Variants in FUT8 observed in about 807,000 individuals in gnomAD.
FUT8 encodes the protein fucosyltransferase 8, also known as alpha-(1,6)-fucosyltransferase.
In FUT8, 29 loss-of-function variants were observed where a neutral mutation model predicts 71.3. That is an observed-to-expected ratio of 0.41 (90% CI 0.30 to 0.55). FUT8 has a LOEUF of 0.55. Ranked by LOEUF, FUT8 falls within the 20% of genes least tolerant of loss-of-function variation. FUT8 has a pLI of 0.34. For missense variants in FUT8, 544 were observed against 702.1 expected, an observed-to-expected ratio of 0.77 and a Z score of 2.55; for synonymous variants, 254 against 239.3, an observed-to-expected ratio of 1.06 and a Z score of -0.57.
intron 2 of FUT8, among the ~76,000 whole-genome samples, chr14:65,535,912 C>CT (rs1377202113): frequency 6.6e-6 from 1 of 152,086 alleles, no homozygotes; most frequent in Non-Finnish European, 1.5e-5. Flanking sequence ...GTGTGGGAGT[C>CT]TAAGTCTCTT....
At chr14:65,508,100 C>T (rs1882054033) in intron 2 of FUT8, among the ~76,000 whole-genome samples, 1 of 40,276 alleles carries the variant, frequency 2.5e-5, no homozygotes, top group Non-Finnish European at 5.5e-5. Context: ...TGGAGTCTTG[C>T]TCTGTTGGCC....
chr14:65,549,489 A>G (rs1885164912), intron 2 of FUT8, among the ~76,000 whole-genome samples: 1 of 152,068 alleles, frequency 6.6e-6, no homozygotes. Context: ...TAGATTGGAA[A>G]TTCTATATAT....
chr14:65,667,160 C>T (rs964355205), intron 6 of FUT8, among the ~76,000 whole-genome samples: 2 of 152,000 alleles, frequency 1.3e-5, no homozygotes, highest in African/African-American at 4.8e-5. Flanking sequence ...TTCTAAAAGT[C>T]CTAGCCAGAG....
chr14:65,720,141 T>C (rs1391601564), intron 7 of FUT8, among the ~76,000 whole-genome samples: 1 of 152,050 alleles, frequency 6.6e-6, no homozygotes, highest in Admixed American at 6.5e-5. Flanking sequence ...TATCTGGTCC[T>C]CTATTCTCCT....
chr14:65,733,466 G>T, intron 10 of FUT8, 85 bp downstream of exon 10: 1 of 981,146 alleles, frequency 1.0e-6, no homozygotes, highest in South Asian at 2.3e-5. Flanking sequence ...TCTATGTGTT[G>T]TTAATGTTCA....
intron 6 of FUT8, among the ~76,000 whole-genome samples, chr14:65,667,928 A>G (rs941563257): frequency 1.1e-4 from 17 of 152,244 alleles, no homozygotes; most frequent in African/African-American, 3.9e-4. Context: ...ATATACCTAC[A>G]ACTTTCTAAT....
At chr14:65,527,738 C>G (rs1311864087) in intron 2 of FUT8, among the ~76,000 whole-genome samples, 1 of 152,150 alleles carries the variant, frequency 6.6e-6, no homozygotes, top group African/African-American at 2.4e-5. Flanking sequence ...GAGTGGAAGT[C>G]ATTTCTGTTT....
chr14:65,518,007 A>G (rs762614454), intron 2 of FUT8, among the ~76,000 whole-genome samples: 8 of 152,184 alleles, frequency 5.3e-5, no homozygotes, highest in Non-Finnish European at 1.0e-4. Context: ...ACAGTTTGGT[A>G]TGTTTCAGTG....
chr14:65,580,597 T>C (rs1399202785), intron 3 of FUT8, among the ~76,000 whole-genome samples: 2 of 152,130 alleles, frequency 1.3e-5, no homozygotes, highest in African/African-American at 2.4e-5. Flanking sequence ...TCATTATTAT[T>C]TGATTGTTTT....
rs1170385902 is a variant in FUT8, at chr14:65,550,791, A to G, written c.-227-10546A>G. The stretch of plus-strand genomic sequence containing the variant: ...TAATTTTCTCCTGGTTATGGGTTAC[A>G]TTTTCCTTCTTGTTGGCATCATAGT... On this transcript the variant is annotated intron_variant, in intron 2 of 10. Coordinates refer to ENST00000673929, the MANE Select transcript of FUT8 (RefSeq NM_001371533.1). The surrounding 1 kb of genome is among the most constrained non-coding windows in gnomAD (Gnocchi z 4.5). Among the ~76,000 whole-genome samples, 1 of 152,088 alleles carries G rather than the reference A, an allele frequency of 6.6e-6. No homozygotes were observed. Among genetic ancestry groups the G allele is most frequent in the African/African-American group, 2.4e-5 (1 of 41,398 alleles).
chr14:65,494,798 T>C (rs1184956759), intron 2 of FUT8, among the ~76,000 whole-genome samples: 2 of 151,914 alleles, frequency 1.3e-5, no homozygotes, highest in African/African-American at 2.4e-5. Context: ...AAAGTAAGGT[T>C]CTGAAGGGTT....
At chr14:65,446,678 CT>C (rs11378151) in intron 1 of FUT8, among the ~76,000 whole-genome samples, 162 of 134,240 alleles carry the variant, frequency 1.2e-3, no homozygotes, top group South Asian at 1.9e-3. Context: ...TGTTTTAGGG[CT>C]TTTTTTTTTT....
chr14:65,645,724 A>G (rs1295129763), intron 6 of FUT8, among the ~76,000 whole-genome samples: 1 of 152,208 alleles, frequency 6.6e-6, no homozygotes. Context: ...ACTATTAGTG[A>G]CAGAAGAGAA....
chr14:65,520,655 T>G (rs1478744886), intron 2 of FUT8, among the ~76,000 whole-genome samples: 1 of 152,046 alleles, frequency 6.6e-6, no homozygotes, highest in Non-Finnish European at 1.5e-5. Context: ...TTTAGTGTAG[T>G]TACTGGAGTT....
At chr14:65,382,828 T>C in the FUT8 span, among the ~76,000 whole-genome samples, 1 of 152,226 alleles carries the variant, frequency 6.6e-6, no homozygotes, top group Admixed American at 6.5e-5. Flanking sequence ...AGCTCTTTGC[T>C]GAGCATCTCA....
intron 3 of FUT8, among the ~76,000 whole-genome samples, chr14:65,611,575 A>C (rs1242675897): frequency 6.6e-6 from 1 of 151,790 alleles, no homozygotes; most frequent in African/African-American, 2.4e-5. Flanking sequence ...ATCTGCAGTA[A>C]ATCTCATTCT....
intron 1 of FUT8, among the ~76,000 whole-genome samples, chr14:65,454,881 A>C (rs2139556059): frequency 6.6e-6 from 1 of 152,308 alleles, no homozygotes; most frequent in African/African-American, 2.4e-5. Flanking sequence ...AGGGAGAGGC[A>C]GCAACAAATG....
the FUT8 span, among the ~76,000 whole-genome samples, chr14:65,396,863 C>A: frequency 2.0e-5 from 3 of 152,156 alleles, no homozygotes; most frequent in Non-Finnish European, 2.9e-5. This position sits in a 1 kb window ranked among gnomAD's most constrained non-coding sequence, Gnocchi z 5.5. Flanking sequence ...GAGATGGAGT[C>A]TTGCTAGTTT....
intron 2 of FUT8, among the ~76,000 whole-genome samples, chr14:65,559,749 A>AT (rs898560807): frequency 1.1e-4 from 17 of 151,854 alleles, no homozygotes; most frequent in Admixed American, 3.9e-4. Context: ...GGATTTCTGT[A>AT]TTTTTTTTAC....
Sources: allele counts gnomAD v4.1 joint callset (sites outside exome capture counted in the v4.1 genomes callset), GRCh38; gene constraint gnomAD v4.1.1; non-coding constraint Gnocchi (gnomAD v3.1); transcripts MANE v1.5; gene names NCBI Gene and HGNC (gene_info 2026-07-23, HGNC 2026-07-21).